CACNB4: variants seen among roughly 807,000 people sequenced by gnomAD.
CACNB4 encodes the protein voltage-dependent L-type calcium channel subunit beta-4.
In CACNB4, 32 loss-of-function variants were observed where a neutral mutation model predicts 71.2. That is an observed-to-expected ratio of 0.45 (90% CI 0.34 to 0.60). The LOEUF (loss-of-function observed/expected upper bound fraction) is 0.60, where lower values mean the gene tolerates loss of function less well. Among genes scored for constraint, CACNB4 ranks in the 20% least tolerant of loss-of-function variants. CACNB4 has a pLI of 0.01. For synonymous variants in CACNB4, 231 were observed against 236.9 expected (o/e 0.97, Z 0.23); for missense variants, 464 against 647.9 (o/e 0.72, Z 3.08).
At chr2:152,020,256 ATTTGGGTT>A (rs1231269741) in intron 2 of CACNB4, among the ~76,000 whole-genome samples, 6 of 152,200 alleles carry the variant, frequency 3.9e-5, no homozygotes, top group African/African-American at 1.4e-4. Flanking sequence ...TTCTATGTCC[ATTTGGGTT>A]TTGATGGGAT....
At chr2:151,917,517 G>A (rs1487495933) in intron 2 of CACNB4, among the ~76,000 whole-genome samples, 1 of 152,150 alleles carries the variant, frequency 6.6e-6, no homozygotes, top group Non-Finnish European at 1.5e-5. Context: ...TTGCTACAGT[G>A]AGGATGATGA....
At chr2:151,967,362 C>T (rs1322049994) in intron 2 of CACNB4, 1 of 152,092 alleles carries the variant, frequency 6.6e-6, no homozygotes, top group Non-Finnish European at 1.5e-5. Flanking sequence ...GGTCTGTCTC[C>T]ACTTTCAATC....
intron 2 of CACNB4, among the ~76,000 whole-genome samples, chr2:152,003,596 T>C (rs569727916): frequency 2.0e-5 from 3 of 152,034 alleles, no homozygotes; most frequent in Non-Finnish European, 4.4e-5. Context: ...TCTGCGGCAG[T>C]TCCCTCCTCC....
chr2:152,052,044 T>A (rs976713214), intron 2 of CACNB4, among the ~76,000 whole-genome samples: 2 of 152,244 alleles, frequency 1.3e-5, no homozygotes, highest in African/African-American at 4.8e-5. Context: ...TAGCACATCA[T>A]CAGTACAGCT....
chr2:151,848,195 G>A (rs948237296), intron 12 of CACNB4, among the ~76,000 whole-genome samples: 1 of 152,156 alleles, frequency 6.6e-6, no homozygotes, highest in African/African-American at 2.4e-5. Context: ...AGCATTGGTG[G>A]GAATGAACTA....
intron 9 of CACNB4, chr2:151,866,182 A>G (rs1272732683): frequency 2.0e-5 from 3 of 152,224 alleles, no homozygotes; most frequent in Non-Finnish European, 2.9e-5. Context: ...TGACTCAAAT[A>G]ATTTCTAAGG....
chr2:152,039,475 C>A (rs1447449311), intron 2 of CACNB4, among the ~76,000 whole-genome samples: 3 of 152,040 alleles, frequency 2.0e-5, no homozygotes, highest in Non-Finnish European at 2.9e-5. Context: ...TTCCCCTGAC[C>A]AGTCTTTTGG....
chr2:152,082,830 C>T (rs929643598), intron 2 of CACNB4, among the ~76,000 whole-genome samples: 12 of 152,180 alleles, frequency 7.9e-5, no homozygotes, highest in African/African-American at 2.9e-4. Flanking sequence ...CCACAAAATC[C>T]TATTTAGGAT....
chr2:151,866,477 C>T (rs779251023), intron 9 of CACNB4: 1 of 152,216 alleles, frequency 6.6e-6, no homozygotes, highest in African/African-American at 2.4e-5. Flanking sequence ...GTTCTCTTGG[C>T]TGGTTTCAAT....
chr2:151,994,631 C>G (rs1681937899), intron 2 of CACNB4, among the ~76,000 whole-genome samples: 1 of 152,204 alleles, frequency 6.6e-6, no homozygotes, highest in Admixed American at 6.5e-5. Flanking sequence ...CGTGCCTCAG[C>G]TTCCCAAGGA....
intron 2 of CACNB4, among the ~76,000 whole-genome samples, chr2:152,047,801 A>G (rs1685213772): frequency 6.6e-6 from 1 of 152,206 alleles, no homozygotes; most frequent in Non-Finnish European, 1.5e-5. Context: ...CAGGAGTCTG[A>G]GGCAGGTGAA....
chr2:152,094,736 C>T (rs902926225), intron 2 of CACNB4, among the ~76,000 whole-genome samples: 1 of 152,210 alleles, frequency 6.6e-6, no homozygotes, highest in Non-Finnish European at 1.5e-5. Flanking sequence ...TTTCATTCCT[C>T]CCCTACAATA....
intron 12 of CACNB4, among the ~76,000 whole-genome samples, chr2:151,845,548 C>T (rs2099837342): frequency 6.6e-6 from 1 of 152,324 alleles, no homozygotes; most frequent in African/African-American, 2.4e-5. Flanking sequence ...TGCAAACCAG[C>T]TATGCCAATT....
At chr2:152,020,023 C>A (rs1478749380) in intron 2 of CACNB4, among the ~76,000 whole-genome samples, 1 of 152,178 alleles carries the variant, frequency 6.6e-6, no homozygotes, top group Admixed American at 6.5e-5. Context: ...CAAGGAAAAA[C>A]CACTGTGTTT....
chr2:151,839,317 T>C lies in CACNB4; in HGVS notation c.1365A>G (p.Leu455=). ...TENSPIERRS[L]MTSDENYHNE... is the part of the protein sequence containing the mutation. ...TGTGATAATTTTCATCAGAGGTCATTAGACTTCGTCTTTCAATTGGAGAGT... is the reference window on the plus strand; with the variant it reads ...TGTGATAATTTTCATCAGAGGTCATCAGACTTCGTCTTTCAATTGGAGAGT... Residue 455 remains leucine, a synonymous_variant, in exon 14 of 14, where the codon CTA becomes CTG. Transcript: ENST00000539935. 1 of 1,613,304 alleles carries C rather than the reference T, an allele frequency of 6.2e-7. No homozygotes were observed. Among genetic ancestry groups the C allele is most frequent in the Non-Finnish European group, 8.5e-7 (1 of 1,179,260 alleles).
At chr2:151,840,628 C>T (rs188568367) in intron 13 of CACNB4, among the ~76,000 whole-genome samples, 2 of 152,318 alleles carry the variant, frequency 1.3e-5, no homozygotes, top group East Asian at 3.9e-4. Context: ...TACCACAGTA[C>T]ATTTTTCATG....
At chr2:151,922,922 A>G (rs1047555184) in intron 2 of CACNB4, among the ~76,000 whole-genome samples, 2 of 152,234 alleles carry the variant, frequency 1.3e-5, no homozygotes, top group African/African-American at 4.8e-5. Context: ...AAGAACCTCA[A>G]GTTGGAATCT....
chr2:152,071,945 T>C (rs1357891967), intron 2 of CACNB4, among the ~76,000 whole-genome samples: 1 of 152,268 alleles, frequency 6.6e-6, no homozygotes, highest in Non-Finnish European at 1.5e-5. Flanking sequence ...TTTAATTTCA[T>C]TCATTCATCC....
intron 2 of CACNB4, among the ~76,000 whole-genome samples, chr2:151,988,206 G>A (rs547191745): frequency 1.2e-3 from 178 of 152,072 alleles, no homozygotes; most frequent in Non-Finnish European, 2.2e-3. Context: ...CAACGGTTGC[G>A]GCAAAGGCTT....
Sources: allele counts gnomAD v4.1 joint callset (sites outside exome capture counted in the v4.1 genomes callset), GRCh38; gene constraint gnomAD v4.1.1; transcripts MANE v1.5; gene names NCBI Gene and HGNC (gene_info 2026-07-23, HGNC 2026-07-21).